Variants in MYO18B observed in about 807,000 individuals in gnomAD.
The protein encoded by MYO18B is unconventional myosin-XVIIIb.
Under a neutral mutation model 273.0 loss-of-function variants are expected in MYO18B, and 204 were observed. The observed-to-expected ratio is 0.75, with a 90% CI of 0.67 to 0.84. The LOEUF (loss-of-function observed/expected upper bound fraction) is 0.84. Among genes scored for constraint, MYO18B ranks in the 40% least tolerant of loss-of-function variants. The pLI is 0.00. For synonymous variants in MYO18B, 1,330 were observed against 1,305.7 expected, an observed-to-expected ratio of 1.02 and a Z score of -0.40; for missense variants, 3,212 against 3,287.6, an observed-to-expected ratio of 0.98 and a Z score of 0.56.
At chr22:25,994,782 G>T (rs377068446) in intron 40 of MYO18B, among the ~76,000 whole-genome samples, 1 of 152,216 alleles carries the variant, frequency 6.6e-6, no homozygotes, top group Non-Finnish European at 1.5e-5. Flanking sequence ...CTTGTTTGAT[G>T]CTTGGGCTGG....
At chr22:25,854,267 CAT>C (rs141136937) in intron 21 of MYO18B, among the ~76,000 whole-genome samples, 2,168 of 152,222 alleles carry the variant, frequency 0.014, 65 homozygotes, top group African/African-American at 0.048. Flanking sequence ...ACAAAAATAG[CAT>C]ATGTCTTTTA....
At chr22:25,829,841 AAAT>A (rs968096302) in intron 15 of MYO18B, among the ~76,000 whole-genome samples, 1 of 151,806 alleles carries the variant, frequency 6.6e-6, no homozygotes, top group African/African-American at 2.4e-5. Context: ...CCATCTCAAA[AAAT>A]AATAATAATA....
At chr22:25,843,066 C>A (rs1188678582) in intron 17 of MYO18B, among the ~76,000 whole-genome samples, 2 of 152,166 alleles carry the variant, frequency 1.3e-5, no homozygotes, top group East Asian at 3.9e-4. Context: ...ATTTAATCCA[C>A]ATTTTACAGA....
chr22:26,054,809 T>C, the MYO18B span, among the ~76,000 whole-genome samples: 6 of 152,206 alleles, frequency 3.9e-5, no homozygotes, highest in Non-Finnish European at 5.9e-5. Context: ...AGCCTGGCTC[T>C]GCCACTGACT....
intron 1 of MYO18B, among the ~76,000 whole-genome samples, chr22:25,750,803 C>T (rs2085909522): frequency 6.6e-6 from 1 of 152,198 alleles, no homozygotes; most frequent in South Asian, 2.1e-4. Context: ...TTGGCTGGCA[C>T]CCTCAGGCAT....
chr22:25,749,331 C>A (rs569358301), intron 1 of MYO18B, among the ~76,000 whole-genome samples: 1 of 152,272 alleles, frequency 6.6e-6, no homozygotes, highest in South Asian at 2.1e-4. Flanking sequence ...CCTTACTAGC[C>A]TTGGGGCTGT....
intron 39 of MYO18B, among the ~76,000 whole-genome samples, chr22:25,977,716 GTCAC>G (rs1252517278): frequency 1.3e-5 from 2 of 152,194 alleles, no homozygotes; most frequent in Admixed American, 1.3e-4. Context: ...TGCACAAGCT[GTCAC>G]TCAATAGTTC....
chr22:25,961,779 T>C (rs1268523866), intron 39 of MYO18B, among the ~76,000 whole-genome samples: 1 of 152,186 alleles, frequency 6.6e-6, no homozygotes, highest in African/African-American at 2.4e-5. Flanking sequence ...GTTTTACCTG[T>C]TGGGACCTCA....
intron 25 of MYO18B, among the ~76,000 whole-genome samples, chr22:25,889,555 C>CTT (rs11399837): frequency 0.12 from 17,864 of 145,868 alleles, 1,180 homozygotes; most frequent in African/African-American, 0.18. Context: ...CTACCTCTTT[C>CTT]TTTTTTTTTT....
In MYO18B at chr22:25,846,153, G is replaced by A. The variant is rs750959478; in HGVS notation, c.3422G>A (p.Arg1141Gln). 11 of 1,608,492 alleles carry A rather than the reference G, an allele frequency of 6.8e-6. No homozygotes were observed. In the South Asian group the frequency reaches 7.8e-5, roughly 11 times the overall value. Residue 1141 changes from arginine (R) to glutamine (Q), a missense_variant, in exon 19 of 44, where the codon CGG (arginine) becomes CAG (glutamine). Physicochemically the swap from Arg to Gln is conservative, Grantham distance 43. Transcript: ENST00000335473. ...QARAKLPPVCRAVAGLEGTSQ... is the reference protein window; with the variant it reads ...QARAKLPPVCQAVAGLEGTSQ... ...CGGGCCAAGCTGCCTCCTGTGTGCC[G>A]GGCTGTGGCAGGCCTGGAGGGCACC...
chr22:25,853,473 G>A (rs939165016), intron 21 of MYO18B, among the ~76,000 whole-genome samples: 2 of 152,174 alleles, frequency 1.3e-5, no homozygotes, highest in African/African-American at 4.8e-5. Context: ...CTGGGTAGTG[G>A]CCCATTTTGG....
chr22:25,929,642 G>A (rs1184901942), intron 34 of MYO18B, among the ~76,000 whole-genome samples: 2 of 152,134 alleles, frequency 1.3e-5, no homozygotes, highest in Non-Finnish European at 2.9e-5. Context: ...GATTTGCACT[G>A]AACTCTTTAG....
chr22:25,974,764 A>G (rs1346489087), intron 39 of MYO18B, among the ~76,000 whole-genome samples: 1 of 152,214 alleles, frequency 6.6e-6, no homozygotes, highest in Non-Finnish European at 1.5e-5. Flanking sequence ...GGATTTGCAC[A>G]GGAAACTCAT....
intron 37 of MYO18B, among the ~76,000 whole-genome samples, 183 bp downstream of exon 37, chr22:25,950,633 G>A (rs929894819): frequency 3.3e-5 from 5 of 151,956 alleles, no homozygotes; most frequent in African/African-American, 4.8e-5. Context: ...GTGAAGTGGC[G>A]CGATCTTGGC....
Position 25,763,315 on chromosome 22 carries a change from G to C in MYO18B, c.124G>C (p.Val42Leu). The change falls in exon 3 of 44, where the codon GTC becomes CTC. Residue 42 changes from valine (V) to leucine (L), a missense_variant. Transcript: ENST00000335473. ...CCCAGGGGGCTTCATTAAGCAACTG[G>C]TCCGGGGGACTGAAAAAGAGGCCAA... ...VIPGGFIKQLVRGTEKEAKEA... is the reference protein window; with the variant it reads ...VIPGGFIKQLLRGTEKEAKEA... The C allele has an allele frequency of 6.2e-7, 1 of 1,613,286 alleles. No individual in the cohort carries two copies. The highest frequency in any genetic ancestry group is 8.5e-7 in the Non-Finnish European group (1 of 1,179,744).
chr22:25,952,145 A>G (rs1485255111), intron 37 of MYO18B, 141 bp from the exon 38 acceptor site: 1 of 921,886 alleles, frequency 1.1e-6, no homozygotes, highest in African/African-American at 1.7e-5. Context: ...GCTTGTGCAG[A>G]CATTTAACAT....
the MYO18B span, among the ~76,000 whole-genome samples, chr22:26,046,890 G>T: frequency 2.0e-5 from 3 of 152,064 alleles, no homozygotes; most frequent in South Asian, 2.1e-4. Context: ...CACCTTACGC[G>T]CATGGCTGGT....
At chr22:25,980,741 G>A (rs2093140734) in intron 39 of MYO18B, among the ~76,000 whole-genome samples, 1 of 152,184 alleles carries the variant, frequency 6.6e-6, no homozygotes, top group South Asian at 2.1e-4. Context: ...AAGCAACGGT[G>A]TTTAAAAGAG....
At chr22:25,898,053 T>G (rs2091849700) in intron 28 of MYO18B, 2 of 431,942 alleles carry the variant, frequency 4.6e-6, no homozygotes, top group Non-Finnish European at 8.2e-6. Context: ...GGCTGGAGGT[T>G]TATTGAGCAA....
Sources: allele counts gnomAD v4.1 joint callset (sites outside exome capture counted in the v4.1 genomes callset), GRCh38; gene constraint gnomAD v4.1.1; transcripts MANE v1.5; gene names NCBI Gene and HGNC (gene_info 2026-07-23, HGNC 2026-07-21).